The following RBFOX1 variants were observed in gnomAD, a reference collection of about 807,000 sequenced individuals.
RBFOX1 encodes RNA binding protein fox-1 homolog 1.
Under a neutral mutation model 57.7 loss-of-function variants are expected in RBFOX1, and 8 were observed. The observed-to-expected ratio is 0.14, with a 90% CI of 0.08 to 0.25. The LOEUF is 0.25. Among genes scored for constraint, RBFOX1 ranks in the 10% least tolerant of loss-of-function variants. The pLI is 1.00. For synonymous variants in RBFOX1, 326 were observed against 222.4 expected, an observed-to-expected ratio of 1.47 and a Z score of -4.15; for missense variants, 611 against 548.5, an observed-to-expected ratio of 1.11 and a Z score of -1.14.
At chr16:7,079,244 G>A (rs754468956) in intron 4 of RBFOX1, among the ~76,000 whole-genome samples, 1 of 152,090 alleles carries the variant, frequency 6.6e-6, no homozygotes, top group Non-Finnish European at 1.5e-5. Context: ...AGTTTTACTT[G>A]CTCATCATAC....
At chr16:6,040,510 T>C (rs901322840) in intron 1 of RBFOX1, among the ~76,000 whole-genome samples, 1 of 152,228 alleles carries the variant, frequency 6.6e-6, no homozygotes, top group Non-Finnish European at 1.5e-5. Context: ...TCCTCAGGGT[T>C]TATCTGCGTG....
chr16:5,848,202 C>G (rs1312438911), intron 3 of RBFOX1, among the ~76,000 whole-genome samples: 1 of 152,086 alleles, frequency 6.6e-6, no homozygotes, highest in Non-Finnish European at 1.5e-5. Flanking sequence ...CACCACTAGA[C>G]TATATATAAG....
chr16:6,807,838 A>G (rs1282072647), intron 3 of RBFOX1, among the ~76,000 whole-genome samples: 1 of 151,874 alleles, frequency 6.6e-6, no homozygotes, highest in East Asian at 1.9e-4. Context: ...TATTATATAT[A>G]TAGTTCTATT....
chr16:5,580,362 C>T (rs1463688803), intron 2 of RBFOX1, among the ~76,000 whole-genome samples: 2 of 152,188 alleles, frequency 1.3e-5, no homozygotes, highest in African/African-American at 2.4e-5. Context: ...TCCTCAGCTG[C>T]GTGGGTCTCA....
intron 2 of RBFOX1, among the ~76,000 whole-genome samples, chr16:6,652,371 C>A (rs748711893): frequency 6.6e-6 from 1 of 152,018 alleles, no homozygotes. Context: ...TCACTTGAAC[C>A]TGGGAGGTGG....
intron 1 of RBFOX1, among the ~76,000 whole-genome samples, chr16:6,184,253 A>G (rs1157876511): frequency 2.0e-5 from 3 of 152,188 alleles, no homozygotes; most frequent in Non-Finnish European, 4.4e-5. Flanking sequence ...GGGTGGGGAC[A>G]CAGCCAAACC....
intron 4 of RBFOX1, among the ~76,000 whole-genome samples, chr16:7,242,111 C>T (rs759893699): frequency 7.3e-4 from 111 of 152,116 alleles, no homozygotes; most frequent in Admixed American, 4.1e-3. Context: ...AATTTTCCTT[C>T]TGTTGAGAAC....
chr16:5,464,172 G>A (rs937738472), intron 1 of RBFOX1, among the ~76,000 whole-genome samples: 1 of 152,200 alleles, frequency 6.6e-6, no homozygotes, highest in African/African-American at 2.4e-5. Flanking sequence ...TGGGCTGTGT[G>A]GAGTTGATAA....
At chr16:5,924,482 G>A (rs2058900596) in intron 4 of RBFOX1, among the ~76,000 whole-genome samples, 1 of 152,100 alleles carries the variant, frequency 6.6e-6, no homozygotes, top group South Asian at 2.1e-4. Context: ...TCCTTTGAGA[G>A]CTGGTTGTTA....
intron 2 of RBFOX1, among the ~76,000 whole-genome samples, chr16:5,541,714 T>A (rs1007181392): frequency 2.6e-5 from 4 of 152,188 alleles, no homozygotes; most frequent in Non-Finnish European, 5.9e-5. Context: ...TTATTTTCCT[T>A]TCACAGTATC....
intron 2 of RBFOX1, among the ~76,000 whole-genome samples, chr16:6,617,281 G>A (rs769174908): frequency 4.6e-4 from 70 of 151,994 alleles, no homozygotes; most frequent in Admixed American, 2.0e-4. Context: ...GTGAAGGAAA[G>A]GGAACCTGAT....
chr16:5,845,179 A>G (rs1388276919), intron 3 of RBFOX1, among the ~76,000 whole-genome samples: 4 of 151,964 alleles, frequency 2.6e-5, no homozygotes, highest in Non-Finnish European at 4.4e-5. Flanking sequence ...GATGTAGGAC[A>G]GCAAAATTTT....
chr16:5,773,508 T>C (rs903778702), intron 3 of RBFOX1, among the ~76,000 whole-genome samples: 1 of 152,266 alleles, frequency 6.6e-6, no homozygotes, highest in African/African-American at 2.4e-5. Context: ...TTTCATAACA[T>C]GAACGTACTG....
intron 4 of RBFOX1, among the ~76,000 whole-genome samples, chr16:7,514,344 C>T (rs2075871365): frequency 1.3e-5 from 2 of 152,226 alleles, no homozygotes. Flanking sequence ...CCAGACTAGG[C>T]TTTACAGAGC....
chr16:5,267,541 G>A (rs199927568), intron 1 of RBFOX1, among the ~76,000 whole-genome samples: 1 of 151,402 alleles, frequency 6.6e-6, no homozygotes. Flanking sequence ...GAAGTGATCT[G>A]CCCACCTCAG....
intron 2 of RBFOX1, among the ~76,000 whole-genome samples, chr16:5,555,227 C>T (rs77481280): frequency 0.049 from 7,386 of 152,018 alleles, 195 homozygotes; most frequent in East Asian, 0.1. Flanking sequence ...AAAGTAATTG[C>T]GGTTTTTGCA....
At chr16:5,443,615 C>G (rs891056999) in intron 1 of RBFOX1, among the ~76,000 whole-genome samples, 2 of 152,222 alleles carry the variant, frequency 1.3e-5, no homozygotes, top group Admixed American at 6.5e-5. Context: ...AGTGGGATTA[C>G]AGGCTTGAGC....
chr16:5,555,022 C>G (rs957655212), intron 2 of RBFOX1, among the ~76,000 whole-genome samples: 4 of 152,114 alleles, frequency 2.6e-5, no homozygotes, highest in Admixed American at 6.5e-5. Flanking sequence ...CTGGGTCACT[C>G]TGACAACCAA....
At chr16:7,489,084 C>T (rs138851363) in intron 4 of RBFOX1, among the ~76,000 whole-genome samples, 2 of 152,288 alleles carry the variant, frequency 1.3e-5, no homozygotes, top group African/African-American at 2.4e-5. Flanking sequence ...CTCCCCATGT[C>T]TGTGTCTGGC....
Sources: allele counts gnomAD v4.1 joint callset (sites outside exome capture counted in the v4.1 genomes callset), GRCh38; gene constraint gnomAD v4.1.1; transcripts MANE v1.5; gene names NCBI Gene and HGNC (gene_info 2026-07-23, HGNC 2026-07-21).